The following CDH12 variants were observed in gnomAD, a reference collection of about 807,000 sequenced individuals.
The protein encoded by CDH12 is cadherin-12.
Under a neutral mutation model 74.1 loss-of-function variants are expected in CDH12, and 41 were observed. That is an observed-to-expected ratio of 0.55 (90% CI 0.43 to 0.72). The LOEUF is 0.72. CDH12 is among the 30% of genes least tolerant of loss of function. The pLI is 0.00. For missense variants in CDH12, 945 were observed against 977.2 expected, an observed-to-expected ratio of 0.97 and a Z score of 0.44; for synonymous variants, 399 against 355.0, an observed-to-expected ratio of 1.12 and a Z score of -1.39.
chr5:22,657,813 G>A (rs932513057), intron 1 of CDH12, among the ~76,000 whole-genome samples: 1 of 152,200 alleles, frequency 6.6e-6, no homozygotes, highest in Middle Eastern at 3.4e-3. Flanking sequence ...TGAAGTAAAA[G>A]AAAGTAAGAA....
At chr5:22,005,674 C>T (rs2963548) in intron 5 of CDH12, among the ~76,000 whole-genome samples, 2 of 151,788 alleles carry the variant, frequency 1.3e-5, no homozygotes, top group East Asian at 3.9e-4. Context: ...TGGACCTTAA[C>T]TTCTATGAGA....
At chr5:22,509,810 G>C (rs925872135) in intron 1 of CDH12, among the ~76,000 whole-genome samples, 5 of 152,130 alleles carry the variant, frequency 3.3e-5, no homozygotes, top group African/African-American at 1.2e-4. Context: ...TTAACCTTGA[G>C]AAGCAGAGGG....
chr5:22,786,833 C>T (rs1580999390), intron 1 of CDH12, among the ~76,000 whole-genome samples: 1 of 151,904 alleles, frequency 6.6e-6, no homozygotes, highest in Non-Finnish European at 1.5e-5. Flanking sequence ...ATTCTTCTGC[C>T]TCAGCCTCCC....
chr5:22,254,643 C>G (rs1753252638), intron 3 of CDH12, among the ~76,000 whole-genome samples: 1 of 151,730 alleles, frequency 6.6e-6, no homozygotes, highest in South Asian at 2.1e-4. Context: ...CAAACCTGCA[C>G]TTGTACGTCT....
At chr5:22,700,052 G>A (rs1283670184) in intron 1 of CDH12, among the ~76,000 whole-genome samples, 1 of 152,042 alleles carries the variant, frequency 6.6e-6, no homozygotes, top group Non-Finnish European at 1.5e-5. Context: ...TGTAATCTCA[G>A]CTATGTCAAG....
intron 5 of CDH12, among the ~76,000 whole-genome samples, chr5:22,058,251 T>C (rs1203599192): frequency 6.6e-6 from 1 of 151,912 alleles, no homozygotes; most frequent in African/African-American, 2.4e-5. Flanking sequence ...GAGACGGGGC[T>C]TCACCGCGTT....
intron 8 of CDH12, among the ~76,000 whole-genome samples, chr5:21,840,653 C>G (rs1749788903): frequency 6.6e-6 from 1 of 151,972 alleles, no homozygotes; most frequent in Non-Finnish European, 1.5e-5. Flanking sequence ...GGTACCAAAA[C>G]AGAGATATAG....
intron 6 of CDH12, among the ~76,000 whole-genome samples, chr5:21,870,858 A>G (rs184363056): frequency 0.011 from 1,655 of 152,252 alleles, 17 homozygotes; most frequent in Non-Finnish European, 0.017. Flanking sequence ...CAGGCTCCCA[A>G]GTAGCTGGGA....
At chr5:21,844,623 C>T (rs1264017869) in intron 7 of CDH12, among the ~76,000 whole-genome samples, 1 of 152,112 alleles carries the variant, frequency 6.6e-6, no homozygotes, top group Non-Finnish European at 1.5e-5. Context: ...AAGGTCTTGA[C>T]AATTTTTATG....
intron 1 of CDH12, among the ~76,000 whole-genome samples, chr5:22,517,638 T>C (rs993425058): frequency 6.6e-6 from 1 of 152,196 alleles, no homozygotes; most frequent in Non-Finnish European, 1.5e-5. Context: ...CTCTGACTAA[T>C]ACACTAACTC....
Position 21,752,230 on chromosome 5 carries a change from A to G in CDH12, c.1892T>C (p.Val631Ala), listed in dbSNP as rs754843683. The G allele has an allele frequency of 1.3e-6, 2 of 1,588,664 alleles. No individual in the cohort carries two copies. The highest frequency in any genetic ancestry group is 3.6e-5 in the Admixed American group (2 of 55,518). ...LLCIVILLAIVVLYVALRRQK... is the reference protein window; with the variant it reads ...LLCIVILLAIAVLYVALRRQK... The stretch of plus-strand genomic sequence containing the variant: ...CCTTCGCAGTGCTACATACAGTACA[A>G]CTATGGCTGGAACAAGACAAAAATT... Residue 631 changes from valine to alanine, a missense_variant, in exon 15 of 15, where the codon GTT (valine) becomes GCT (alanine). Physicochemically the swap from Val to Ala is moderately conservative, Grantham distance 64 (BLOSUM62 0). Around this residue, in one of 3 missense-constraint regions of CDH12, gnomAD observed 791 missense variants for 792.8 expected, o/e 1.00. Coordinates refer to ENST00000382254, the MANE Select transcript of CDH12 (RefSeq NM_004061.5).
intron 6 of CDH12, among the ~76,000 whole-genome samples, chr5:21,926,790 C>T (rs957797220): frequency 2.0e-5 from 3 of 151,938 alleles, no homozygotes; most frequent in African/African-American, 4.8e-5. Flanking sequence ...GAGTGAAGGC[C>T]GAGTGCATGC....
chr5:22,338,370 C>T (rs1739681969), intron 3 of CDH12, among the ~76,000 whole-genome samples: 1 of 151,586 alleles, frequency 6.6e-6, no homozygotes, highest in South Asian at 2.1e-4. Context: ...ATCTAAAAAT[C>T]AAAACGATTG....
intron 1 of CDH12, among the ~76,000 whole-genome samples, chr5:22,523,981 AT>A (rs761099580): frequency 0.017 from 2,416 of 142,128 alleles, 24 homozygotes; most frequent in African/African-American, 0.018. Context: ...TATTATTATT[AT>A]TTTTTTTTTT....
intron 1 of CDH12, among the ~76,000 whole-genome samples, chr5:22,724,401 G>A (rs930695801): frequency 4.6e-5 from 7 of 151,448 alleles, no homozygotes; most frequent in Admixed American, 2.0e-4. Flanking sequence ...CCTTTCCCCC[G>A]AGTCTCCAAA....
At chr5:22,549,862 G>A (rs1330726732) in intron 1 of CDH12, among the ~76,000 whole-genome samples, 1 of 152,146 alleles carries the variant, frequency 6.6e-6, no homozygotes, top group East Asian at 1.9e-4. Flanking sequence ...TCAACTATGG[G>A]TCTCATATGT....
At chr5:21,814,412 A>G (rs1477513220) in intron 9 of CDH12, among the ~76,000 whole-genome samples, 1 of 152,008 alleles carries the variant, frequency 6.6e-6, no homozygotes, top group South Asian at 2.1e-4. Context: ...TTGAACTTAC[A>G]TAACTGAATG....
At chr5:22,423,930 G>T (rs1264294034) in intron 2 of CDH12, among the ~76,000 whole-genome samples, 2 of 148,024 alleles carry the variant, frequency 1.4e-5, no homozygotes, top group Non-Finnish European at 3.0e-5. Flanking sequence ...GTGAACCTGG[G>T]AGGCGGAGCT....
intron 1 of CDH12, among the ~76,000 whole-genome samples, chr5:22,740,490 C>G (rs1261921617): frequency 2.0e-5 from 3 of 151,742 alleles, no homozygotes; most frequent in Non-Finnish European, 4.4e-5. Context: ...ATGATTCCCA[C>G]TATATCTACG....
Sources: allele counts gnomAD v4.1 joint callset (sites outside exome capture counted in the v4.1 genomes callset), GRCh38; gene constraint gnomAD v4.1.1; regional missense constraint gnomAD v4.1.1; transcripts MANE v1.5; gene names NCBI Gene and HGNC (gene_info 2026-07-23, HGNC 2026-07-21).